CPVL: variants seen among roughly 807,000 people sequenced by gnomAD.
CPVL encodes carboxypeptidase vitellogenic like, also known as probable serine carboxypeptidase CPVL.
In CPVL, 51 loss-of-function variants were observed where a neutral mutation model predicts 63.7. The ratio of observed to expected loss-of-function variants is 0.80; its 90% CI spans 0.64 to 1.01. The LOEUF (loss-of-function observed/expected upper bound fraction) is 1.01, where lower values mean the gene tolerates loss of function less well. Among genes scored for constraint, CPVL ranks in the 50% least tolerant of loss-of-function variants. CPVL has a pLI of 0.00. For synonymous variants in CPVL, 195 were observed against 206.0 expected (o/e 0.95, Z 0.46); for missense variants, 530 against 573.1 (o/e 0.92, Z 0.77).
chr7:29,068,864 T>G (rs1188486593), intron 9 of CPVL, among the ~76,000 whole-genome samples: 3 of 151,242 alleles, frequency 2.0e-5, no homozygotes, highest in African/African-American at 7.3e-5. Flanking sequence ...CCGGCTAACT[T>G]TTTTGTATTT....
At chr7:29,104,334 C>T (rs1192861050) in intron 3 of CPVL, among the ~76,000 whole-genome samples, 1 of 152,204 alleles carries the variant, frequency 6.6e-6, no homozygotes, top group Non-Finnish European at 1.5e-5. Flanking sequence ...CGACTTGGCT[C>T]ACTGCAACCT....
chr7:29,185,883 G>A (rs948500820), intron 2 of CPVL, among the ~76,000 whole-genome samples: 1 of 152,158 alleles, frequency 6.6e-6, no homozygotes, highest in African/African-American at 2.4e-5. Context: ...GCACAGCCCT[G>A]TCCTATGTGT....
rs534792825 is a variant in CPVL at position 28,995,719 on chromosome 7, C to G, written c.*53G>C. 1.9e-6 allele frequency: 2 copies of G among 1,070,974 alleles called. No individual in the cohort carries two copies. The highest frequency in any genetic ancestry group is 2.8e-6 in the Non-Finnish European group (2 of 723,910). The allele number at this position is 1,070,974 out of a possible 1,614,324, so 66.3% of individuals were successfully genotyped here. The stretch of plus-strand genomic sequence containing the variant: ...ATTCCTATGACATTTTCTGTTTTTA[C>G]GATTTTCTTTTCAGCAATGAAAACC... On this transcript the variant is annotated 3_prime_UTR_variant, in exon 13 of 13. Coordinates refer to ENST00000265394, the MANE Select transcript of CPVL (RefSeq NM_031311.5).
chr7:29,096,862 G>A (rs1461438054), intron 3 of CPVL, among the ~76,000 whole-genome samples: 3 of 151,898 alleles, frequency 2.0e-5, no homozygotes, highest in Admixed American at 2.0e-4. Flanking sequence ...GCACATGCCT[G>A]TAATCCGAGC....
chr7:29,088,461 A>ATT (rs3042207), intron 6 of CPVL, among the ~76,000 whole-genome samples: 40,570 of 151,416 alleles, frequency 0.27, 6,307 homozygotes, highest in East Asian at 0.63. Flanking sequence ...AAAACTGGCT[A>ATT]TTTTTTTTTA....
chr7:29,134,993 C>T (rs1443621832), intron 1 of CPVL, among the ~76,000 whole-genome samples: 1 of 151,468 alleles, frequency 6.6e-6, no homozygotes, highest in Non-Finnish European at 1.5e-5. Context: ...ATCCCAGCTA[C>T]TTAGGGAGCT....
At chr7:29,085,366 A>G (rs1338159067) in intron 7 of CPVL, among the ~76,000 whole-genome samples, 1 of 152,268 alleles carries the variant, frequency 6.6e-6, no homozygotes, top group Non-Finnish European at 1.5e-5. Context: ...CAATGTAAAC[A>G]TCAAAAATAA....
At chr7:29,022,319 C>A (rs1181311492) in intron 12 of CPVL, among the ~76,000 whole-genome samples, 1 of 152,200 alleles carries the variant, frequency 6.6e-6, no homozygotes, top group Non-Finnish European at 1.5e-5. Flanking sequence ...CCACACGCAT[C>A]ATCTGGGAAC....
At chr7:29,051,579 C>G (rs1381988092) in intron 11 of CPVL, among the ~76,000 whole-genome samples, 3 of 152,078 alleles carry the variant, frequency 2.0e-5, no homozygotes, top group Non-Finnish European at 2.9e-5. Flanking sequence ...TGGCCATAAT[C>G]AAAAAATCAA....
intron 12 of CPVL, among the ~76,000 whole-genome samples, chr7:29,019,486 G>A (rs559772574): frequency 3.3e-5 from 5 of 152,282 alleles, no homozygotes; most frequent in South Asian, 4.2e-4. Context: ...TCTCGGTACC[G>A]TACTGCTCCC....
intron 11 of CPVL, among the ~76,000 whole-genome samples, chr7:29,032,390 C>A (rs1788105369): frequency 6.6e-6 from 1 of 152,036 alleles, no homozygotes; most frequent in Admixed American, 6.6e-5. Context: ...TAAGAAGAAA[C>A]CCACAGGAAA....
chr7:29,101,668 GT>G (rs1407923134), intron 3 of CPVL, among the ~76,000 whole-genome samples: 141 of 148,448 alleles, frequency 9.5e-4, no homozygotes, highest in African/African-American at 2.4e-3. Flanking sequence ...TTAACTAAAG[GT>G]TTTTTTTTTT....
intron 11 of CPVL, 83 bp downstream of exon 11, chr7:29,063,978 A>AAG: frequency 1.1e-6 from 1 of 924,022 alleles, no homozygotes; most frequent in Non-Finnish European, 1.6e-6. Flanking sequence ...AAAAAAAAAA[A>AAG]AAGGCAGGAC....
chr7:29,111,355 C>A (rs1429228818), intron 3 of CPVL, among the ~76,000 whole-genome samples: 1 of 152,234 alleles, frequency 6.6e-6, no homozygotes, highest in East Asian at 1.9e-4. Context: ...CCCGATTCCA[C>A]CTGGCTCCCA....
chr7:29,152,689 G>T (rs1372236141), intron 5 of CPVL, among the ~76,000 whole-genome samples: 1 of 152,210 alleles, frequency 6.6e-6, no homozygotes, highest in Admixed American at 6.5e-5. Flanking sequence ...ACCTGACACA[G>T]AGCTGTTAAA....
At chr7:29,052,782 A>C (rs2075845230) in intron 11 of CPVL, among the ~76,000 whole-genome samples, 1 of 152,000 alleles carries the variant, frequency 6.6e-6, no homozygotes, top group African/African-American at 2.4e-5. Context: ...GGTGACATGC[A>C]CCTGTAATCC....
At chr7:29,177,784 CCTAT>C (rs1346125826) in intron 5 of CPVL, among the ~76,000 whole-genome samples, 1 of 152,122 alleles carries the variant, frequency 6.6e-6, no homozygotes, top group Non-Finnish European at 1.5e-5. Context: ...TATGCTCCCA[CCTAT>C]CTATCTGTTC....
chr7:29,023,680 T>C (rs553264896), intron 12 of CPVL, among the ~76,000 whole-genome samples: 3 of 152,118 alleles, frequency 2.0e-5, no homozygotes, highest in Non-Finnish European at 4.4e-5. Context: ...CTCACTACAG[T>C]GTCTACTAAA....
At chr7:29,041,303 C>T (rs761052749) in intron 11 of CPVL, among the ~76,000 whole-genome samples, 2 of 151,928 alleles carry the variant, frequency 1.3e-5, no homozygotes, top group South Asian at 2.1e-4. Flanking sequence ...TCTTGAACAC[C>T]GGACCTCAAG....
Sources: gnomAD v4.1 joint callset for allele counts (sites outside exome capture counted in the v4.1 genomes callset) on GRCh38, gnomAD v4.1.1 for gene constraint, MANE v1.5 for transcripts, NCBI Gene and HGNC (gene_info 2026-07-23, HGNC 2026-07-21) for gene names.